The following AKT3 variants were observed in gnomAD, a reference collection of about 807,000 sequenced individuals.
AKT3 encodes RAC-gamma serine/threonine-protein kinase.
A neutral mutation model predicts 65.3 loss-of-function variants in AKT3; 15 were observed. That is an observed-to-expected ratio of 0.23 (90% CI 0.15 to 0.35). The LOEUF is 0.35. Among genes scored for constraint, AKT3 ranks in the 10% least tolerant of loss-of-function variants. The pLI, the probability that AKT3 is intolerant of heterozygous loss-of-function variation, is 1.00. For synonymous variants in AKT3, 206 were observed against 183.8 expected (o/e 1.12, Z -0.98); for missense variants, 243 against 576.5 (o/e 0.42, Z 5.92).
At position 243,828,273 on chromosome 1, in the gene AKT3, T is replaced by G. The variant is rs985744679; in HGVS notation, c.46+14852A>C. Among the ~76,000 whole-genome samples, 32 of 152,272 alleles carry G rather than the reference T, an allele frequency of 2.1e-4. 1 individual carries two copies. In the East Asian group the frequency reaches 5.6e-3, roughly 27 times the overall value. On this transcript the variant is annotated intron_variant, in intron 2 of 13. Transcript: ENST00000673466. ...GCTAATCACACATTATGAGCTTGGA[T>G]TCCTATACCCATATAAAGTAGGCAC...
intron 2 of AKT3, among the ~76,000 whole-genome samples, chr1:243,801,600 G>T (rs7534117): frequency 0.26 from 38,796 of 152,060 alleles, 5,718 homozygotes; most frequent in African/African-American, 0.4. Context: ...TGAGAATTCT[G>T]AGGTTAGGGA....
At chr1:243,759,765 C>T (rs755168650) in intron 2 of AKT3, among the ~76,000 whole-genome samples, 4 of 151,832 alleles carry the variant, frequency 2.6e-5, no homozygotes, top group African/African-American at 7.3e-5. Context: ...GATGGTAATA[C>T]GAAAATCACA....
At chr1:243,488,942 T>G in intron 13 of AKT3, 1 of 1,610,358 alleles carries the variant, frequency 6.2e-7, no homozygotes, top group Admixed American at 1.7e-5. Context: ...TTCCCTCAGA[T>G]ACACACAGCC....
chr1:243,607,709 T>C (rs1047253581), intron 8 of AKT3, among the ~76,000 whole-genome samples: 4 of 151,730 alleles, frequency 2.6e-5, no homozygotes, highest in African/African-American at 9.7e-5. Flanking sequence ...GGATATGAGA[T>C]TTGGGAGGGG....
In AKT3 at chr1:243,831,686, G is replaced by A. The variant is rs1274273975; in HGVS notation, c.46+11439C>T. On this transcript the variant is annotated intron_variant, in intron 2 of 13. Transcript: ENST00000673466. ...GTACAGCTTCTCTGCATTCTCCACT[G>A]GGAAGTAGAGCAGTGAATAATATTA... is the stretch of plus-strand genomic sequence containing the variant. 2.0e-5 allele frequency among the ~76,000 whole-genome samples: 3 copies of A among 152,074 alleles called. 1 individual carries two copies. Among genetic ancestry groups the A allele is most frequent in the African/African-American group, 7.2e-5 (3 of 41,404 alleles).
chr1:243,699,570 T>C (rs1164160540), intron 2 of AKT3, among the ~76,000 whole-genome samples: 2 of 148,108 alleles, frequency 1.4e-5, no homozygotes, highest in Admixed American at 6.7e-5. Context: ...GCTATACCTA[T>C]GTTGAAGTAT....
intron 10 of AKT3, among the ~76,000 whole-genome samples, chr1:243,553,440 G>GAAGTA (rs1673205778): frequency 6.6e-6 from 1 of 152,188 alleles, no homozygotes; most frequent in Non-Finnish European, 1.5e-5. Flanking sequence ...ATGTAATGGA[G>GAAGTA]AAGTCTACAG....
chr1:243,531,343 A>G (rs1173621961), intron 12 of AKT3, among the ~76,000 whole-genome samples: 1 of 152,124 alleles, frequency 6.6e-6, no homozygotes, highest in South Asian at 2.1e-4. Flanking sequence ...TGGCCTCCCA[A>G]AATGCTGGGA....
At chr1:243,614,831 T>G (rs995976861) in intron 7 of AKT3, among the ~76,000 whole-genome samples, 2 of 152,078 alleles carry the variant, frequency 1.3e-5, no homozygotes, top group Non-Finnish European at 1.5e-5. Flanking sequence ...ACTCTATGGT[T>G]TGTTTTTGTT....
At chr1:243,697,193 T>G (rs1181342850) in intron 2 of AKT3, among the ~76,000 whole-genome samples, 1 of 151,986 alleles carries the variant, frequency 6.6e-6, no homozygotes, top group African/African-American at 2.4e-5. Context: ...AAATAACATA[T>G]TTTTATAAAA....
intron 9 of AKT3, among the ~76,000 whole-genome samples, chr1:243,571,868 G>A (rs1419626560): frequency 6.6e-6 from 1 of 152,098 alleles, no homozygotes; most frequent in African/African-American, 2.4e-5. Context: ...CTCTGATCTA[G>A]ATGTTTTATA....
intron 8 of AKT3, among the ~76,000 whole-genome samples, chr1:243,598,205 C>CA (rs1180523323): frequency 6.6e-6 from 1 of 151,884 alleles, no homozygotes; most frequent in Non-Finnish European, 1.5e-5. Context: ...AAATACCTCT[C>CA]AAAAAATTAT....
chr1:243,526,748 A>T lies in AKT3; in HGVS notation c.1252-14322T>A, dbSNP rs771509292. Among the ~76,000 whole-genome samples, 250 of 146,980 alleles carry T rather than the reference A, an allele frequency of 1.7e-3. 1 individual carries two copies. The highest frequency in any genetic ancestry group is 2.9e-3 in the Admixed American group (43 of 14,752). On this transcript the variant is annotated intron_variant, in intron 12 of 13. Coordinates refer to ENST00000673466, the MANE Select transcript of AKT3 (RefSeq NM_005465.7). Reference sequence around the variant, plus strand: ...GACATCATCCCATAAAAGAAAACAAATTTTTTGCCAGCTGCACTACAAAAA... The same window carrying T: ...GACATCATCCCATAAAAGAAAACAATTTTTTTGCCAGCTGCACTACAAAAA...
chr1:243,760,280 G>A (rs1689400980), intron 2 of AKT3, among the ~76,000 whole-genome samples: 2 of 61,340 alleles, frequency 3.3e-5, no homozygotes, highest in African/African-American at 1.0e-4. Context: ...CTCTATATCT[G>A]GCTTTTTTTT....
chr1:243,789,685 G>C (rs996794044), intron 2 of AKT3, among the ~76,000 whole-genome samples: 19 of 152,304 alleles, frequency 1.2e-4, no homozygotes, highest in Admixed American at 3.3e-4. Flanking sequence ...TTTCCGGAAA[G>C]TTTTTCACTG....
intron 2 of AKT3, among the ~76,000 whole-genome samples, chr1:243,842,648 C>T (rs1695316886): frequency 6.6e-6 from 1 of 152,102 alleles, no homozygotes; most frequent in South Asian, 2.1e-4. Flanking sequence ...CTTTACTTAC[C>T]AAATTTATGG....
At position 243,552,786 on chromosome 1, in the gene AKT3, AGT is replaced by A; in HGVS notation, c.1104_1105del (p.Ser370PhefsTer17). The A allele has an allele frequency of 6.2e-7, 1 of 1,614,034 alleles. No individual in the cohort carries two copies. The highest frequency in any genetic ancestry group is 8.5e-7 in the Non-Finnish European group (1 of 1,179,980). On this transcript the variant is annotated frameshift_variant, in exon 11 of 14. Transcript: ENST00000673466. LOFTEE classifies it high-confidence loss of function. ...AAGCAATGATTTTGCATCTGAAGAG[AGT>A]GTTCGAGGAAATTTAATGTCTTCCA...
At chr1:243,510,807 G>C (rs745976125) in intron 13 of AKT3, among the ~76,000 whole-genome samples, 1 of 152,252 alleles carries the variant, frequency 6.6e-6, no homozygotes, top group African/African-American at 2.4e-5. Flanking sequence ...GTTTTAAGCA[G>C]AGGAATGATG....
intron 5 of AKT3, among the ~76,000 whole-genome samples, chr1:243,642,760 T>C (rs1680534429): frequency 6.6e-6 from 1 of 152,208 alleles, no homozygotes; most frequent in African/African-American, 2.4e-5. Flanking sequence ...GGTAAAGAGA[T>C]ACATGGGCAT....
Sources: gnomAD v4.1 joint callset for allele counts (sites outside exome capture counted in the v4.1 genomes callset) on GRCh38, gnomAD v4.1.1 for gene constraint, MANE v1.5 for transcripts, NCBI Gene and HGNC (gene_info 2026-07-23, HGNC 2026-07-21) for gene names.